ADAMTSL1: variants seen among roughly 807,000 people sequenced by gnomAD.
ADAMTSL1 encodes ADAMTS like 1, also known as ADAMTS-like protein 1.
ADAMTSL1 carries 126 observed loss-of-function variants against 201.8 expected under a neutral mutation model. That is an observed-to-expected ratio of 0.62 (90% CI 0.54 to 0.72). ADAMTSL1 has a LOEUF of 0.72. Among genes scored for constraint, ADAMTSL1 ranks in the 30% least tolerant of loss-of-function variants. ADAMTSL1 has a pLI of 0.00. For synonymous variants in ADAMTSL1, 1,121 were observed against 903.4 expected (o/e 1.24, Z -4.32); for missense variants, 2,679 against 2,277.8 (o/e 1.18, Z -3.59).
intron 1 of ADAMTSL1, among the ~76,000 whole-genome samples, chr9:18,148,290 G>C (rs1826744837): frequency 6.7e-6 from 1 of 148,748 alleles, no homozygotes; most frequent in African/African-American, 2.5e-5. Flanking sequence ...GTTTGAGTTT[G>C]AAAAAGAATG....
At chr9:18,847,663 AGAG>A (rs72393048) in intron 23 of ADAMTSL1, among the ~76,000 whole-genome samples, 48,127 of 151,970 alleles carry the variant, frequency 0.32, 8,583 homozygotes, top group Non-Finnish European at 0.38. Flanking sequence ...GAGAGAGAAG[AGAG>A]GAGAAGAGCA....
intron 3 of ADAMTSL1, among the ~76,000 whole-genome samples, chr9:18,544,093 T>C (rs1415694069): frequency 6.6e-6 from 1 of 152,212 alleles, no homozygotes; most frequent in Admixed American, 6.5e-5. Flanking sequence ...GCTCTTCAAC[T>C]TCTCGTAGCC....
chr9:18,215,454 T>C (rs1454149017), intron 2 of ADAMTSL1, among the ~76,000 whole-genome samples: 2 of 152,204 alleles, frequency 1.3e-5, no homozygotes, highest in African/African-American at 4.8e-5. Flanking sequence ...GAGTTATATA[T>C]GTGTTTATGA....
intron 2 of ADAMTSL1, among the ~76,000 whole-genome samples, chr9:18,439,072 C>T (rs11788016): frequency 0.08 from 12,207 of 151,642 alleles, 656 homozygotes; most frequent in Non-Finnish European, 0.12. Context: ...TTGGAGGCTT[C>T]CTGGACGTTG....
chr9:18,233,543 G>T (rs1373746340), intron 2 of ADAMTSL1, among the ~76,000 whole-genome samples: 1 of 152,088 alleles, frequency 6.6e-6, no homozygotes, highest in Non-Finnish European at 1.5e-5. Flanking sequence ...AGGCACTGAG[G>T]TCGTATCAGT....
chr9:18,585,479 G>T (rs1823423271), intron 4 of ADAMTSL1, among the ~76,000 whole-genome samples: 1 of 151,856 alleles, frequency 6.6e-6, no homozygotes, highest in African/African-American at 2.4e-5. Flanking sequence ...CCAATTCTGT[G>T]GGATAACTTT....
In ADAMTSL1 at chr9:18,399,432, C is replaced by T. The variant is rs558260840; in HGVS notation, c.208-105397C>T. Among the ~76,000 whole-genome samples, 3 of 150,868 alleles carry T rather than the reference C, an allele frequency of 2.0e-5. No individual in the cohort carries two copies. The East Asian group carries it at 5.9e-4, about 30-fold the overall frequency. ...TCGGCTCACTGCAACCTCCGCCTCC[C>T]GGGTTCAAGCGATTCTCTTGACTCT... On this transcript the variant is annotated intron_variant, in intron 2 of 29. Transcript: ENST00000680146.
At position 18,837,623 on chromosome 9, in the gene ADAMTSL1, C is replaced by G. The variant is rs186483477; in HGVS notation, c.4249+7646C>G. ...ACATGCCACCAATACGCATTCTGCG[C>G]CATACTCAAGGGGATCCTCTGCAGA... On this transcript the variant is annotated intron_variant, in intron 23 of 28. Coordinates refer to ENST00000380548, the MANE Select transcript of ADAMTSL1 (RefSeq NM_001040272.6). Among the ~76,000 whole-genome samples, 615 of 152,312 alleles carry G rather than the reference C, an allele frequency of 4.0e-3. 6 individuals carry two copies. The highest frequency in any genetic ancestry group is 0.014 in the African/African-American group (569 of 41,556).
intron 8 of ADAMTSL1, among the ~76,000 whole-genome samples, chr9:18,659,475 A>G (rs1325718885): frequency 1.3e-5 from 2 of 152,238 alleles, no homozygotes; most frequent in Non-Finnish European, 2.9e-5. Context: ...ATAGAAAATC[A>G]TTTAGCTGGC....
chr9:18,365,224 T>C (rs898335623), intron 2 of ADAMTSL1, among the ~76,000 whole-genome samples: 4 of 152,182 alleles, frequency 2.6e-5, no homozygotes, highest in Non-Finnish European at 4.4e-5. Flanking sequence ...ATACTTACCA[T>C]TGAAGCCCAT....
In ADAMTSL1 at chr9:18,909,712, G is replaced by A. The variant is rs1424475932; in HGVS notation, c.*1164G>A. On this transcript the variant is annotated 3_prime_UTR_variant, in exon 29 of 29. Coordinates refer to ENST00000380548, the MANE Select transcript of ADAMTSL1 (RefSeq NM_001040272.6). ...CCTCTTCATTCCAGAGCTGGCCCAG[G>A]GACCGGGGTGGGACAATGGGTTTAT... The A allele has an allele frequency of 2.0e-5, 3 of 152,126 alleles. No individual in the cohort carries two copies. Among genetic ancestry groups the A allele is most frequent in the Admixed American group, 6.5e-5 (1 of 15,268 alleles). 9.4% of individuals were successfully genotyped at this position (152,126 alleles called of 1,614,324 possible). A position where few individuals can be genotyped will look rare whatever the true frequency, so the allele number is the denominator to read the frequency against.
At chr9:18,600,672 C>T (rs935325378) in intron 4 of ADAMTSL1, among the ~76,000 whole-genome samples, 24 of 152,128 alleles carry the variant, frequency 1.6e-4, no homozygotes, top group Non-Finnish European at 1.6e-4. Flanking sequence ...GGTGCTAAGG[C>T]ATACAGCCAT....
intron 2 of ADAMTSL1, among the ~76,000 whole-genome samples, chr9:18,273,528 A>G (rs1447543098): frequency 6.6e-6 from 1 of 152,244 alleles, no homozygotes; most frequent in African/African-American, 2.4e-5. Flanking sequence ...CAGTGCAGGC[A>G]TTTCTAGTAA....
At chr9:18,682,011 G>C (rs1285251381) in intron 12 of ADAMTSL1, 52 bp downstream of exon 12, 1 of 1,583,886 alleles carries the variant, frequency 6.3e-7, no homozygotes, top group South Asian at 1.1e-5. Context: ...TGTGTAGTCA[G>C]GTGTGTTTTA....
At chr9:17,972,884 T>A (rs995734949) in intron 1 of ADAMTSL1, among the ~76,000 whole-genome samples, 74 of 147,374 alleles carry the variant, frequency 5.0e-4, no homozygotes, top group African/African-American at 1.7e-3. Context: ...TATCTCATTG[T>A]GGTTTTGATT....
intron 2 of ADAMTSL1, among the ~76,000 whole-genome samples, chr9:18,459,302 T>C (rs1222029882): frequency 6.6e-6 from 1 of 152,100 alleles, no homozygotes; most frequent in Non-Finnish European, 1.5e-5. Flanking sequence ...TCATAAACAG[T>C]GTATCTTTTG....
At chr9:18,878,541 T>A (rs1308466361) in intron 23 of ADAMTSL1, among the ~76,000 whole-genome samples, 1 of 152,186 alleles carries the variant, frequency 6.6e-6, no homozygotes, top group Non-Finnish European at 1.5e-5. Flanking sequence ...GTCAAATCCT[T>A]CTCCTGTGAT....
chr9:17,971,306 T>C (rs1281109105), intron 1 of ADAMTSL1, among the ~76,000 whole-genome samples: 1 of 152,076 alleles, frequency 6.6e-6, no homozygotes, highest in Non-Finnish European at 1.5e-5. Context: ...TCTTGTCTAT[T>C]CAACTGACAA....
intron 2 of ADAMTSL1, among the ~76,000 whole-genome samples, chr9:18,460,860 C>G (rs2131707834): frequency 6.6e-6 from 1 of 152,162 alleles, no homozygotes; most frequent in Middle Eastern, 3.4e-3. Context: ...TGAAAATCAC[C>G]CCTCAAGAAA....
Sources: gnomAD v4.1 joint callset for allele counts (sites outside exome capture counted in the v4.1 genomes callset) on GRCh38, gnomAD v4.1.1 for gene constraint, MANE v1.5 for transcripts, NCBI Gene and HGNC (gene_info 2026-07-23, HGNC 2026-07-21) for gene names.